Variants in FUBP1 observed in about 807,000 individuals in gnomAD.
The protein encoded by FUBP1 is far upstream element binding protein 1.
FUBP1 carries 16 observed loss-of-function variants against 94.9 expected under a neutral mutation model. The ratio of observed to expected loss-of-function variants is 0.17; its 90% CI spans 0.11 to 0.26. The LOEUF (loss-of-function observed/expected upper bound fraction) is 0.26, where lower values mean the gene tolerates loss of function less well. Among genes scored for constraint, FUBP1 ranks in the 10% least tolerant of loss-of-function variants. The pLI, the probability that FUBP1 is intolerant of heterozygous loss-of-function variation, is 1.00. For synonymous variants in FUBP1, 279 were observed against 254.9 expected, an observed-to-expected ratio of 1.09 and a Z score of -0.90; for missense variants, 583 against 808.6, an observed-to-expected ratio of 0.72 and a Z score of 3.38.
At chr1:77,956,542 G>A (rs1654495097) in intron 17 of FUBP1, 30 bp downstream of exon 17, 4 of 1,561,296 alleles carry the variant, frequency 2.6e-6, no homozygotes, top group African/African-American at 1.4e-5. Flanking sequence ...ACAACTTTTG[G>A]CTTTCACATA....
Position 77,967,114 on chromosome 1 carries a change from A to G in FUBP1, c.291-13T>C. 6.6e-7 allele frequency: 1 copy of G among 1,512,944 alleles called. No individual in the cohort carries two copies. Among genetic ancestry groups the G allele is most frequent in the Non-Finnish European group, 9.1e-7 (1 of 1,103,122 alleles). 93.7% of individuals were successfully genotyped at this position (1,512,944 alleles called of 1,614,324 possible). On this transcript the variant is annotated splice_polypyrimidine_tract_variant and intron_variant, in intron 4 of 19. Coordinates refer to ENST00000370768, the MANE Select transcript of FUBP1 (RefSeq NM_003902.5). ...CATTACAGATCTGCTAAGAAATAAC[A>G]GAAAGCACCATTTTCCTTCAATGAA... is the stretch of plus-strand genomic sequence containing the variant.
chr1:77,962,753 G>C lies in FUBP1; in HGVS notation c.1344+17C>G, dbSNP rs1241313198. On this transcript the variant is annotated intron_variant, in intron 14 of 19. Coordinates refer to ENST00000370768, the MANE Select transcript of FUBP1 (RefSeq NM_003902.5). ...TAAGGGTCTACACTAAAAATTAAAA[G>C]TTTAAAGTATACTCACACCAATCTT... 1 of 1,584,664 alleles carries C rather than the reference G, an allele frequency of 6.3e-7. No homozygotes were observed. Among genetic ancestry groups the C allele is most frequent in the Non-Finnish European group, 8.6e-7 (1 of 1,157,684 alleles).
At chr1:77,961,891 C>A (rs1655545291) in intron 14 of FUBP1, among the ~76,000 whole-genome samples, 1 of 151,692 alleles carries the variant, frequency 6.6e-6, no homozygotes, top group Non-Finnish European at 1.5e-5. Flanking sequence ...ACAGAACTCA[C>A]AATGTTTGTG....
chr1:77,979,026 G>T lies in FUBP1; in HGVS notation c.-22C>A, dbSNP rs2102565868. ...CCATGGTTGCACTATAAGAGCCGCT[G>T]CCGCCTGTTCAGAGACTTCCTCTCA... On this transcript the variant is annotated 5_prime_UTR_variant, in exon 1 of 20. Coordinates refer to ENST00000370768, the MANE Select transcript of FUBP1 (RefSeq NM_003902.5). 6.3e-7 allele frequency: 1 copy of T among 1,594,062 alleles called. No individual in the cohort carries two copies. Among genetic ancestry groups the T allele is most frequent in the Non-Finnish European group, 8.6e-7 (1 of 1,166,700 alleles).
rs976893825 is a variant in FUBP1 at position 77,947,566 on chromosome 1, T to C, written c.*1200A>G. ...ATCAAACCTGCACTTCAACAGACAA[T>C]GGCAAGACAGACTGTATTTGCATGT... On this transcript the variant is annotated 3_prime_UTR_variant, in exon 20 of 20. Transcript: ENST00000370768. 2.2e-6 allele frequency: 3 copies of C among 1,346,270 alleles called. No homozygotes were observed. The highest frequency in any genetic ancestry group is 3.6e-5 in the East Asian group (1 of 27,406). The allele number at this position is 1,346,270 out of a possible 1,614,324, so 83.4% of individuals were successfully genotyped here. A position where few individuals can be genotyped will look rare whatever the true frequency, so the allele number is the denominator to read the frequency against.
intron 18 of FUBP1, 55 bp downstream of exon 18, chr1:77,955,200 A>G (rs578225031): frequency 1.3e-6 from 1 of 783,544 alleles, no homozygotes; most frequent in East Asian, 2.5e-5. Flanking sequence ...CCTGAAGAGA[A>G]TAATTTGTTT....
At position 77,947,818 on chromosome 1, in the gene FUBP1, TTA is replaced by T. The variant is rs1027198892; in HGVS notation, c.*946_*947del. ...AAGCTTGAACGTTTCCATACCCCATTTATGTTTCAATGGCAGATGCAATGTAG... is the reference window on the plus strand; with the variant it reads ...AAGCTTGAACGTTTCCATACCCCATTTGTTTCAATGGCAGATGCAATGTAG... On this transcript the variant is annotated 3_prime_UTR_variant, in exon 20 of 20. Transcript: ENST00000370768. The T allele has an allele frequency of 3.0e-5, 33 of 1,082,530 alleles. No homozygotes were observed. In the East Asian group the frequency reaches 6.8e-4, roughly 22 times the overall value. The allele number at this position is 1,082,530 out of a possible 1,614,324, so 67.1% of individuals were successfully genotyped here. A position where few individuals can be genotyped will look rare whatever the true frequency, so the allele number is the denominator to read the frequency against.
At chr1:77,956,382 C>T (rs1185964145) in intron 17 of FUBP1, among the ~76,000 whole-genome samples, 190 bp downstream of exon 17, 1 of 152,086 alleles carries the variant, frequency 6.6e-6, no homozygotes, top group Non-Finnish European at 1.5e-5. Context: ...TATCTGGGTG[C>T]TCCGGGTATT....
chr1:77,965,021 G>A (rs745626385), intron 8 of FUBP1, 48 bp downstream of exon 8: 2 of 1,588,598 alleles, frequency 1.3e-6, no homozygotes, highest in South Asian at 2.2e-5. Context: ...GGACAAAAAT[G>A]GGCATCAAAA....
chr1:77,965,064 A>G lies in FUBP1; in HGVS notation c.636+5T>C. The stretch of plus-strand genomic sequence containing the variant: ...AAAGTAGCCATTTCACAAAAATAAC[A>G]ATACCTGAAGCTGTTTAATAGTTTC... On this transcript the variant is annotated splice_donor_5th_base_variant and intron_variant, in intron 8 of 19. Transcript: ENST00000370768. The G allele has an allele frequency of 6.2e-7, 1 of 1,609,872 alleles. No individual in the cohort carries two copies. The highest frequency in any genetic ancestry group is 1.1e-5 in the South Asian group (1 of 90,744).
intron 1 of FUBP1, among the ~76,000 whole-genome samples, chr1:77,971,612 T>G (rs991294817): frequency 6.6e-6 from 1 of 152,132 alleles, no homozygotes; most frequent in Non-Finnish European, 1.5e-5. Flanking sequence ...CCAACTGTAT[T>G]TCCTAGGACT....
intron 12 of FUBP1, 57 bp from the exon 13 acceptor site, chr1:77,963,772 G>A: frequency 7.0e-7 from 1 of 1,431,614 alleles, no homozygotes; most frequent in Non-Finnish European, 9.6e-7. Flanking sequence ...TTTGTTTCAT[G>A]ATAAAATTAT....
intron 14 of FUBP1, chr1:77,960,911 T>G (rs1457957864): frequency 1.2e-5 from 2 of 161,684 alleles, no homozygotes; most frequent in Non-Finnish European, 2.7e-5. Flanking sequence ...TGACAATATA[T>G]TCCCAAACCG....
chr1:77,963,625 C>G lies in FUBP1; in HGVS notation c.1132G>C (p.Glu378Gln). ...WNMGPPGGLQEFNFIVPTGKT... is the reference protein window; with the variant it reads ...WNMGPPGGLQQFNFIVPTGKT... ...CCAGTTGGCACAATAAAATTAAATT[C>G]CTGTAGTCCACCAGGTGGTCCCATG... Residue 378 changes from glutamate to glutamine, a missense_variant, in exon 13 of 20, where the codon GAA (glutamate) becomes CAA (glutamine). By Grantham distance (29) the Glu-to-Gln change is conservative. Coordinates refer to ENST00000370768, the MANE Select transcript of FUBP1 (RefSeq NM_003902.5). 6.2e-7 allele frequency: 1 copy of G among 1,600,478 alleles called. No individual in the cohort carries two copies. Among genetic ancestry groups the G allele is most frequent in the Non-Finnish European group, 8.6e-7 (1 of 1,167,634 alleles).
intron 18 of FUBP1, among the ~76,000 whole-genome samples, chr1:77,954,343 C>T (rs1251840336): frequency 6.6e-6 from 1 of 152,128 alleles, no homozygotes; most frequent in African/African-American, 2.4e-5. Flanking sequence ...TACTGTAGAT[C>T]TGCCTAAGCT....
Position 77,967,105 on chromosome 1 carries a change from A to G in FUBP1, c.291-4T>C. ...TTCTTCTGTCATTACAGATCTGCTAAGAAATAACAGAAAGCACCATTTTCC... is the reference window on the plus strand; with the variant it reads ...TTCTTCTGTCATTACAGATCTGCTAGGAAATAACAGAAAGCACCATTTTCC... On this transcript the variant is annotated splice_region_variant and splice_polypyrimidine_tract_variant and intron_variant, in intron 4 of 19. Transcript: ENST00000370768. The G allele has an allele frequency of 1.3e-6, 2 of 1,532,082 alleles. No homozygotes were observed. The highest frequency in any genetic ancestry group is 1.8e-6 in the Non-Finnish European group (2 of 1,118,114). 94.9% of individuals were successfully genotyped at this position (1,532,082 alleles called of 1,614,324 possible).
intron 1 of FUBP1, among the ~76,000 whole-genome samples, chr1:77,973,214 T>A (rs970192757): frequency 6.6e-6 from 1 of 152,228 alleles, no homozygotes; most frequent in East Asian, 1.9e-4. Flanking sequence ...TTATTAGACA[T>A]TTATGAGGTG....
chr1:77,953,331 T>C (rs1410237413), intron 18 of FUBP1, among the ~76,000 whole-genome samples: 1 of 149,822 alleles, frequency 6.7e-6, no homozygotes, highest in Non-Finnish European at 1.5e-5. Flanking sequence ...ATCTACTAAA[T>C]ATACAAAAAA....
rs138258427 is a variant in FUBP1 at position 77,973,322 on chromosome 1, T to C, written c.121-3307A>G. On this transcript the variant is annotated intron_variant, in intron 1 of 19. Coordinates refer to ENST00000370768, the MANE Select transcript of FUBP1 (RefSeq NM_003902.5). ...GTGCAGTGGCGTGATCTGGGCTCAC[T>C]GCAATGTCCGCCCCCCAAGTTCAAG... is the stretch of plus-strand genomic sequence containing the variant. Among the ~76,000 whole-genome samples the C allele has an allele frequency of 3.4e-3, 511 of 152,290 alleles. 1 individual carries two copies. The highest frequency in any genetic ancestry group is 0.022 in the South Asian group (104 of 4,826).
Sources: gnomAD v4.1 joint callset for allele counts (sites outside exome capture counted in the v4.1 genomes callset) on GRCh38, gnomAD v4.1.1 for gene constraint, MANE v1.5 for transcripts, NCBI Gene and HGNC (gene_info 2026-07-23, HGNC 2026-07-21) for gene names.